The following NCKAP5 variants were observed in gnomAD, a reference collection of about 807,000 sequenced individuals.
The protein encoded by NCKAP5 is nck-associated protein 5.
NCKAP5 carries 92 observed loss-of-function variants against 167.0 expected under a neutral mutation model. That is an observed-to-expected ratio of 0.55 (90% CI 0.47 to 0.66). The LOEUF (loss-of-function observed/expected upper bound fraction) is 0.66, where lower values mean the gene tolerates loss of function less well. NCKAP5 is among the 30% of genes least tolerant of loss of function. NCKAP5 has a pLI of 0.00. For synonymous variants in NCKAP5, 891 were observed against 877.4 expected (o/e 1.02, Z -0.27); for missense variants, 2,378 against 2,315.0 (o/e 1.03, Z -0.56).
At chr2:133,617,982 G>T in the NCKAP5 span, among the ~76,000 whole-genome samples, 9 of 151,690 alleles carry the variant, frequency 5.9e-5, no homozygotes. Context: ...CAGAACAGAG[G>T]CCTCAGAAAT....
chr2:133,038,385 C>T (rs1275718331), intron 6 of NCKAP5, among the ~76,000 whole-genome samples: 2 of 152,036 alleles, frequency 1.3e-5, no homozygotes, highest in East Asian at 3.9e-4. Context: ...ACAAACATCG[C>T]ATGTTTTCAC....
At chr2:133,271,535 A>G (rs1256345907) in intron 4 of NCKAP5, among the ~76,000 whole-genome samples, 1 of 152,200 alleles carries the variant, frequency 6.6e-6, no homozygotes, top group Non-Finnish European at 1.5e-5. Flanking sequence ...AATAAAGATG[A>G]TAGAGGAACA....
chr2:133,084,572 A>G (rs937545778), intron 6 of NCKAP5, among the ~76,000 whole-genome samples: 8 of 152,178 alleles, frequency 5.3e-5, no homozygotes, highest in African/African-American at 1.9e-4. Context: ...TGTCTTCACC[A>G]GGCTCTGAAT....
intron 3 of NCKAP5, among the ~76,000 whole-genome samples, chr2:133,316,971 A>G (rs1035361039): frequency 3.9e-5 from 6 of 152,106 alleles, no homozygotes; most frequent in African/African-American, 1.2e-4. Context: ...ACTGACCAGC[A>G]TGTTTTCTTC....
chr2:133,435,244 C>A (rs1259411037), intron 3 of NCKAP5, among the ~76,000 whole-genome samples: 1 of 152,130 alleles, frequency 6.6e-6, no homozygotes, highest in African/African-American at 2.4e-5. Context: ...TGATTTAGGC[C>A]TACTTAATCT....
chr2:133,184,490 G>A (rs753808870), intron 5 of NCKAP5, among the ~76,000 whole-genome samples: 2 of 152,088 alleles, frequency 1.3e-5, no homozygotes, highest in African/African-American at 2.4e-5. Context: ...CCCAGTAATC[G>A]GATTGCGGGG....
At chr2:132,846,334 T>G (rs1430170209) in intron 11 of NCKAP5, among the ~76,000 whole-genome samples, 1 of 152,164 alleles carries the variant, frequency 6.6e-6, no homozygotes, top group African/African-American at 2.4e-5. Context: ...ACTCTTTTTT[T>G]TTGAGATACA....
intron 2 of NCKAP5, among the ~76,000 whole-genome samples, chr2:133,552,668 T>C (rs4954064): frequency 0.8 from 107,234 of 133,422 alleles, 43,311 homozygotes; most frequent in East Asian, 1. Flanking sequence ...GTGGGTGCAG[T>C]GCACCAGCAT....
rs2082549794 is a variant in NCKAP5, at chr2:133,130,128, G to A, written c.208-17C>T. ...CTTCTCATGCTATAAAAGACACAAAGGGGATGACTTTTAGGAAGGTGTTTA... is the reference window on the plus strand; with the variant it reads ...CTTCTCATGCTATAAAAGACACAAAAGGGATGACTTTTAGGAAGGTGTTTA... On this transcript the variant is annotated splice_polypyrimidine_tract_variant and intron_variant, in intron 5 of 19. Transcript: ENST00000409261. 1.3e-6 allele frequency: 2 copies of A among 1,598,268 alleles called. No homozygotes were observed. The highest frequency in any genetic ancestry group is 1.7e-6 in the Non-Finnish European group (2 of 1,175,834).
At chr2:132,811,625 C>T (rs1464148021) in intron 11 of NCKAP5, among the ~76,000 whole-genome samples, 1 of 152,036 alleles carries the variant, frequency 6.6e-6, no homozygotes, top group South Asian at 2.1e-4. Context: ...CCCCCTGCCC[C>T]CTCAACAGCC....
intron 5 of NCKAP5, among the ~76,000 whole-genome samples, chr2:133,163,713 T>G (rs893648093): frequency 3.3e-5 from 5 of 152,212 alleles, no homozygotes; most frequent in African/African-American, 1.2e-4. Flanking sequence ...TTTAAACTTT[T>G]TCCATGTTCC....
intron 5 of NCKAP5, among the ~76,000 whole-genome samples, chr2:133,198,777 CA>C (rs934903091): frequency 6.6e-5 from 10 of 152,222 alleles, no homozygotes; most frequent in African/African-American, 2.4e-4. Flanking sequence ...AGGAAATTGA[CA>C]AGCTGTTTCC....
chr2:133,407,812 A>C (rs1369466458), intron 3 of NCKAP5, among the ~76,000 whole-genome samples: 1 of 152,238 alleles, frequency 6.6e-6, no homozygotes, highest in Non-Finnish European at 1.5e-5. Flanking sequence ...GTAAACAAAC[A>C]TCTTGTAAAT....
At chr2:133,447,589 C>T (rs548794439) in intron 3 of NCKAP5, among the ~76,000 whole-genome samples, 20 of 143,352 alleles carry the variant, frequency 1.4e-4, no homozygotes, top group Middle Eastern at 3.5e-3. Context: ...TTTCCCCTTC[C>T]GTTCCCTTCC....
At chr2:133,646,056 G>A in the NCKAP5 span, among the ~76,000 whole-genome samples, 1 of 151,874 alleles carries the variant, frequency 6.6e-6, no homozygotes, top group Non-Finnish European at 1.5e-5. Context: ...GTTGCTCTAT[G>A]TGTGTCTATG....
intron 3 of NCKAP5, among the ~76,000 whole-genome samples, chr2:133,310,327 A>G (rs756892708): frequency 6.6e-6 from 1 of 152,224 alleles, no homozygotes; most frequent in African/African-American, 2.4e-5. Flanking sequence ...TCCCACCGCC[A>G]TCTTAGCATC....
chr2:132,983,876 A>G (rs2077210286), intron 7 of NCKAP5, among the ~76,000 whole-genome samples: 1 of 152,172 alleles, frequency 6.6e-6, no homozygotes, highest in African/African-American at 2.4e-5. Context: ...CACAGCAAAT[A>G]ATTATTAGTG....
At chr2:133,575,340 G>T in the NCKAP5 span, among the ~76,000 whole-genome samples, 1 of 152,198 alleles carries the variant, frequency 6.6e-6, no homozygotes, top group African/African-American at 2.4e-5. Context: ...AAATCTACTG[G>T]ATTTGGGAAA....
intron 6 of NCKAP5, among the ~76,000 whole-genome samples, chr2:133,062,010 A>G (rs952666180): frequency 1.3e-5 from 2 of 152,230 alleles, no homozygotes; most frequent in Non-Finnish European, 2.9e-5. Flanking sequence ...ATATTTTTCA[A>G]ATCTCTTACT....
Sources: allele counts gnomAD v4.1 joint callset (sites outside exome capture counted in the v4.1 genomes callset), GRCh38; gene constraint gnomAD v4.1.1; transcripts MANE v1.5; gene names NCBI Gene and HGNC (gene_info 2026-07-23, HGNC 2026-07-21).